CSMD2: variants seen among roughly 807,000 people sequenced by gnomAD.
The protein encoded by CSMD2 is CUB and sushi domain-containing protein 2.
Under a neutral mutation model 398.5 loss-of-function variants are expected in CSMD2, and 130 were observed. The observed-to-expected ratio is 0.33, with a 90% confidence interval of 0.28 to 0.38. The LOEUF (loss-of-function observed/expected upper bound fraction) is 0.38. Among genes scored for constraint, CSMD2 ranks in the 10% least tolerant of loss-of-function variants. The pLI is 1.00. For synonymous variants in CSMD2, 1,828 were observed against 1,908.5 expected, an observed-to-expected ratio of 0.96 and a Z score of 1.10; for missense variants, 3,829 against 4,764.9, an observed-to-expected ratio of 0.80 and a Z score of 5.78.
In CSMD2 at chr1:33,624,981, T is replaced by C; in HGVS notation, c.5500+70A>G. ...GTCGTGGGGCATCACTGGGGCTGAC[T>C]GCCTCCCCTACAGAGAAAGGACTAC... On this transcript the variant is annotated intron_variant, in intron 34 of 70. Coordinates refer to ENST00000373381, the MANE Select transcript of CSMD2 (RefSeq NM_001281956.2). The surrounding 1 kb of genome is among the most constrained non-coding windows in gnomAD (Gnocchi z 4.7). 2 of 1,481,464 alleles carry C rather than the reference T, an allele frequency of 1.4e-6. No homozygotes were observed. Among genetic ancestry groups the C allele is most frequent in the South Asian group, 2.3e-5 (2 of 87,180 alleles). 91.8% of individuals were successfully genotyped at this position (1,481,464 alleles called of 1,614,324 possible).
intron 3 of CSMD2, among the ~76,000 whole-genome samples, chr1:33,942,628 T>C (rs1258699408): frequency 6.6e-6 from 1 of 152,242 alleles, no homozygotes; most frequent in Non-Finnish European, 1.5e-5. Flanking sequence ...AAGATACTGA[T>C]GCTTAGACCC....
intron 28 of CSMD2, among the ~76,000 whole-genome samples, chr1:33,651,088 T>C (rs1468742531): frequency 6.6e-6 from 1 of 152,186 alleles, no homozygotes; most frequent in Non-Finnish European, 1.5e-5. Flanking sequence ...TTCAGCATTT[T>C]TGAGTGACAC....
rs374554934 is a variant in CSMD2 at position 33,537,547 on chromosome 1, A to G, written c.9694T>C (p.Tyr3232His). Residue 3232 changes from tyrosine (Y) to histidine (H), a missense_variant, in exon 61 of 71, where the codon TAC (tyrosine) becomes CAC (histidine). By Grantham distance (83) the Tyr-to-His change is moderately conservative (BLOSUM62 2). This residue lies in a region of CSMD2 where 917 missense variants were observed against 1,199.5 expected (regional missense o/e 0.76). Transcript: ENST00000373381. This position sits in a 1 kb window ranked among gnomAD's most constrained non-coding sequence, Gnocchi z 4.6. The stretch of plus-strand genomic sequence containing the variant: ...CAGGAGAAGGAGACAGATGACCTGT[A>G]GGAGAAGCCTCGGTCCTCTCTCCTC... ...RGRREDRGFS[Y>H]RSSVSFSCHP... is the part of the protein sequence containing the mutation. The G allele has an allele frequency of 1.9e-6, 3 of 1,614,216 alleles. No homozygotes were observed. The African/African-American group carries it at 4.0e-5, about 22-fold the overall frequency.
At chr1:33,751,195 C>A in intron 13 of CSMD2, among the ~76,000 whole-genome samples, 1 of 150,748 alleles carries the variant, frequency 6.6e-6, no homozygotes, top group Non-Finnish European at 1.5e-5. Context: ...AACAACAGAG[C>A]TATTGAGTTG....
Position 33,605,845 on chromosome 1 carries a change from T to G in CSMD2, c.6344-375A>C. ...AGGCACCAGCCTAACTCCTTTCATG[T>G]TGCTTATCTCATTGAACCTTCACAA... On this transcript the variant is annotated intron_variant, in intron 41 of 70. Coordinates refer to ENST00000373381, the MANE Select transcript of CSMD2 (RefSeq NM_001281956.2). 1.9e-6 allele frequency: 3 copies of G among 1,604,400 alleles called. No individual in the cohort carries two copies. The South Asian group carries it at 3.4e-5, about 18-fold the overall frequency.
intron 12 of CSMD2, among the ~76,000 whole-genome samples, chr1:33,782,213 C>T (rs1359515116): frequency 6.6e-6 from 1 of 151,468 alleles, no homozygotes; most frequent in South Asian, 2.1e-4. Context: ...GTTCCTGAGT[C>T]GAGATGTCTA....
chr1:33,726,439 G>A (rs1646532074), intron 16 of CSMD2, 108 bp downstream of exon 16: 3 of 1,308,186 alleles, frequency 2.3e-6, no homozygotes, highest in Admixed American at 2.3e-5. Context: ...CAACCTTGCT[G>A]ACATTTCAGC....
chr1:33,571,803 G>A, intron 50 of CSMD2, 77 bp from the exon 51 acceptor site: 1 of 1,111,374 alleles, frequency 9.0e-7, no homozygotes, highest in Non-Finnish European at 1.2e-6. Context: ...CCAGATCTAG[G>A]GACTTGGAGA....
chr1:34,082,615 G>A (rs573136904), intron 2 of CSMD2, among the ~76,000 whole-genome samples: 18 of 152,366 alleles, frequency 1.2e-4, no homozygotes, highest in East Asian at 1.9e-4. Context: ...TGACGATGGC[G>A]GTTTTGTCAA....
chr1:33,950,822 C>T (rs1644986845), intron 3 of CSMD2, among the ~76,000 whole-genome samples: 1 of 152,170 alleles, frequency 6.6e-6, no homozygotes. Flanking sequence ...ATGCCATGTC[C>T]CTGGGTATCT....
chr1:33,815,094 C>G (rs530575897), intron 9 of CSMD2, among the ~76,000 whole-genome samples: 8 of 152,260 alleles, frequency 5.3e-5, no homozygotes, highest in African/African-American at 1.7e-4. Flanking sequence ...ACGACAGATT[C>G]ATGGTTTGCC....
chr1:34,050,589 G>T (rs552898813), intron 2 of CSMD2, among the ~76,000 whole-genome samples: 1 of 152,174 alleles, frequency 6.6e-6, no homozygotes, highest in Non-Finnish European at 1.5e-5. Context: ...ACCTTGCAGC[G>T]CTGGGACAAG....
chr1:34,120,854 T>C (rs566229114), intron 1 of CSMD2, among the ~76,000 whole-genome samples: 26 of 152,338 alleles, frequency 1.7e-4, no homozygotes, highest in African/African-American at 6.3e-4. Context: ...CTGGTAACTT[T>C]AGTTTCATAT....
At chr1:33,877,198 GCTATGGCGCAC>G (rs911456365) in intron 5 of CSMD2, among the ~76,000 whole-genome samples, 53 of 152,326 alleles carry the variant, frequency 3.5e-4, no homozygotes, top group African/African-American at 1.1e-3. Context: ...GTTCAGGATG[GCTATGGCGCAC>G]AGCCCAGGGC....
In CSMD2 at chr1:33,633,515, A is replaced by G; in HGVS notation, c.5107T>C (p.Phe1703Leu). 2 of 1,552,754 alleles carry G rather than the reference A, an allele frequency of 1.3e-6. No homozygotes were observed. Among genetic ancestry groups the G allele is most frequent in the African/African-American group, 1.4e-5 (1 of 73,278 alleles). Residue 1703 changes from phenylalanine to leucine, a missense_variant, in exon 32 of 71, where the codon TTC becomes CTC. By Grantham distance (22) the Phe-to-Leu change is conservative. Around this residue, in one of 5 missense-constraint regions of CSMD2, gnomAD observed 2,001 missense variants for 2,567.1 expected, o/e 0.78. Transcript: ENST00000373381. The surrounding 1 kb of genome is among the most constrained non-coding windows in gnomAD (Gnocchi z 5.0). ...KDYVVFGQFA[F>L]FHTALNDVVE... Reference sequence around the variant, plus strand: ...ACGTCGTTGAGGGCCGTGTGAAAGAAGGCGAACTGGCCAAACACCACTGTG... The same window carrying G: ...ACGTCGTTGAGGGCCGTGTGAAAGAGGGCGAACTGGCCAAACACCACTGTG...
chr1:33,948,481 A>G (rs927747972), intron 3 of CSMD2, among the ~76,000 whole-genome samples: 2 of 152,218 alleles, frequency 1.3e-5, no homozygotes, highest in Non-Finnish European at 2.9e-5. Flanking sequence ...TCTCATACAC[A>G]TAAACATGCA....
intron 8 of CSMD2, 117 bp from the exon 9 acceptor site, chr1:33,819,954 T>G: frequency 7.8e-7 from 1 of 1,284,046 alleles, no homozygotes; most frequent in Non-Finnish European, 1.1e-6. Context: ...GCCCTTAATC[T>G]CTGCTCCACT....
intron 10 of CSMD2, among the ~76,000 whole-genome samples, chr1:33,794,955 T>C (rs1263157267): frequency 1.3e-5 from 2 of 151,516 alleles, no homozygotes; most frequent in Non-Finnish European, 2.9e-5. Context: ...TAGCAAGGTC[T>C]AGGTGAGGCG....
At chr1:33,531,593 A>C (rs748591813) in intron 64 of CSMD2, among the ~76,000 whole-genome samples, 2 of 152,252 alleles carry the variant, frequency 1.3e-5, no homozygotes, top group Non-Finnish European at 2.9e-5. Flanking sequence ...TGAATGGATA[A>C]ACAAAAAGTG....
Sources: gnomAD v4.1 joint callset for allele counts (sites outside exome capture counted in the v4.1 genomes callset) on GRCh38, gnomAD v4.1.1 for gene constraint, gnomAD v4.1.1 regional missense constraint, Gnocchi (gnomAD v3.1) non-coding constraint, MANE v1.5 for transcripts, NCBI Gene and HGNC (gene_info 2026-07-23, HGNC 2026-07-21) for gene names.